Variants in AXDND1 observed in about 807,000 individuals in gnomAD.
AXDND1 encodes the protein axonemal dynein light chain domain containing 1, also known as axonemal dynein light chain domain-containing protein 1.
AXDND1 carries 110 observed loss-of-function variants against 137.5 expected under a neutral mutation model. That is an observed-to-expected ratio of 0.80 (90% CI 0.69 to 0.94). The LOEUF (loss-of-function observed/expected upper bound fraction) is 0.94, where lower values mean the gene tolerates loss of function less well. Among genes scored for constraint, AXDND1 ranks in the 40% least tolerant of loss-of-function variants. The pLI, the probability that AXDND1 is intolerant of heterozygous loss-of-function variation, is 0.00. For synonymous variants in AXDND1, 414 were observed against 399.7 expected, an observed-to-expected ratio of 1.04 and a Z score of -0.43; for missense variants, 1,191 against 1,169.8, an observed-to-expected ratio of 1.02 and a Z score of -0.26.
At chr1:179,524,684 A>T (rs1164715539) in intron 21 of AXDND1, among the ~76,000 whole-genome samples, 1 of 152,032 alleles carries the variant, frequency 6.6e-6, no homozygotes, top group Non-Finnish European at 1.5e-5. Flanking sequence ...CCTCTTAAAT[A>T]TCTCTTAAAT....
At chr1:179,416,014 A>G (rs945746953) in intron 12 of AXDND1, among the ~76,000 whole-genome samples, 2 of 152,158 alleles carry the variant, frequency 1.3e-5, no homozygotes, top group African/African-American at 2.4e-5. Context: ...CAGTCTACCT[A>G]TCTATCTAAC....
intron 15 of AXDND1, 95 bp downstream of exon 15, chr1:179,432,437 T>C (rs2125317116): frequency 7.1e-7 from 1 of 1,404,758 alleles, no homozygotes; most frequent in East Asian, 2.8e-5. Context: ...TCCTTTTTTT[T>C]TTTTGGGACG....
At chr1:179,484,328 C>T (rs1038484764) in intron 18 of AXDND1, among the ~76,000 whole-genome samples, 1 of 152,170 alleles carries the variant, frequency 6.6e-6, no homozygotes, top group Admixed American at 6.5e-5. Flanking sequence ...GGTGCCTATC[C>T]CCCAAGGCCT....
intron 20 of AXDND1, among the ~76,000 whole-genome samples, chr1:179,508,452 A>G (rs1668732540): frequency 6.6e-6 from 1 of 152,126 alleles, no homozygotes; most frequent in Non-Finnish European, 1.5e-5. Context: ...TTTTGGCTAG[A>G]GTGACCAGAT....
At chr1:179,496,733 A>G (rs548923743) in intron 20 of AXDND1, among the ~76,000 whole-genome samples, 1 of 151,660 alleles carries the variant, frequency 6.6e-6, no homozygotes, top group Non-Finnish European at 1.5e-5. Flanking sequence ...ATATTTTCTT[A>G]CTTATTCTGG....
intron 11 of AXDND1, among the ~76,000 whole-genome samples, chr1:179,396,560 A>G (rs1368203147): frequency 6.6e-6 from 1 of 151,724 alleles, no homozygotes; most frequent in Admixed American, 6.6e-5. Flanking sequence ...AGGCAGGAGA[A>G]TTGCTTGAAC....
chr1:179,447,260 A>G (rs12121501), intron 16 of AXDND1, among the ~76,000 whole-genome samples: 18,943 of 152,136 alleles, frequency 0.12, 1,500 homozygotes, highest in East Asian at 0.4. Context: ...TCTATTCTCT[A>G]TCTCCACAAG....
At chr1:179,527,279 G>T (rs1670617031) in intron 22 of AXDND1, among the ~76,000 whole-genome samples, 1 of 152,160 alleles carries the variant, frequency 6.6e-6, no homozygotes, top group Non-Finnish European at 1.5e-5. Flanking sequence ...GACAACCAGA[G>T]GTCACTCTTG....
At chr1:179,428,367 C>A (rs1018536644) in intron 12 of AXDND1, among the ~76,000 whole-genome samples, 1 of 152,206 alleles carries the variant, frequency 6.6e-6, no homozygotes, top group Non-Finnish European at 1.5e-5. Context: ...TCCCTAGAGT[C>A]CCTTCTAACT....
intron 16 of AXDND1, chr1:179,457,091 C>G (rs1215944993): frequency 1.6e-5 from 21 of 1,321,396 alleles, no homozygotes; most frequent in Non-Finnish European, 2.3e-5. Flanking sequence ...TTCCACAACT[C>G]TTCCATCCAC....
chr1:179,386,519 C>T (rs138643179), intron 9 of AXDND1, among the ~76,000 whole-genome samples: 158 of 152,022 alleles, frequency 1.0e-3, no homozygotes, highest in East Asian at 8.3e-3. Flanking sequence ...GTTTTTCTGT[C>T]CCTCCACCTC....
chr1:179,501,162 A>G (rs978028824), intron 20 of AXDND1, among the ~76,000 whole-genome samples: 21 of 152,248 alleles, frequency 1.4e-4, no homozygotes, highest in African/African-American at 5.1e-4. Context: ...TTTTTTTTCA[A>G]CTTGACAAAC....
intron 16 of AXDND1, chr1:179,449,333 CA>C: frequency 3.3e-6 from 1 of 304,974 alleles, no homozygotes; most frequent in Non-Finnish European, 6.5e-6. Flanking sequence ...ATCAGTTAAC[CA>C]GAGATCTCTG....
intron 20 of AXDND1, among the ~76,000 whole-genome samples, chr1:179,505,337 A>G (rs938588948): frequency 1.4e-4 from 22 of 152,272 alleles, no homozygotes; most frequent in African/African-American, 5.1e-4. Context: ...GGAGATTTGC[A>G]TGATGCTGGA....
At chr1:179,423,556 T>C (rs1021227242) in intron 12 of AXDND1, among the ~76,000 whole-genome samples, 1 of 152,208 alleles carries the variant, frequency 6.6e-6, no homozygotes, top group Non-Finnish European at 1.5e-5. Context: ...TCTCTGATAT[T>C]ATGTTTTAAT....
At chr1:179,551,490 A>T (rs1387509750) in intron 25 of AXDND1, 1 of 1,611,280 alleles carries the variant, frequency 6.2e-7, no homozygotes, top group African/African-American at 1.3e-5. Context: ...ATTGTTCTTC[A>T]TTCCCTGAAG....
chr1:179,432,150 A>G (rs1376925420), intron 14 of AXDND1, 117 bp from the exon 15 acceptor site: 1 of 1,311,808 alleles, frequency 7.6e-7, no homozygotes. Flanking sequence ...CCTGGAAGGC[A>G]TGCTTCAAAA....
chr1:179,381,927 C>T (rs1444558904), intron 6 of AXDND1, among the ~76,000 whole-genome samples: 8 of 146,032 alleles, frequency 5.5e-5, no homozygotes, highest in East Asian at 2.0e-4. Flanking sequence ...ATTACAGGCA[C>T]GCGCCACCAC....
intron 2 of AXDND1, 31 bp from the exon 3 acceptor site, chr1:179,368,769 T>C (rs1667726295): frequency 6.4e-7 from 1 of 1,556,260 alleles, no homozygotes; most frequent in Admixed American, 2.0e-5. Context: ...AAATATATAG[T>C]AAGAGTTTTT....
Sources: allele counts gnomAD v4.1 joint callset (sites outside exome capture counted in the v4.1 genomes callset), GRCh38; gene constraint gnomAD v4.1.1; transcripts MANE v1.5; gene names NCBI Gene and HGNC (gene_info 2026-07-23, HGNC 2026-07-21).